ROBO2: variants seen among roughly 807,000 people sequenced by gnomAD.
ROBO2 encodes roundabout guidance receptor 2.
A neutral mutation model predicts 160.8 loss-of-function variants in ROBO2; 53 were observed. That is an observed-to-expected ratio of 0.33 (90% confidence interval 0.26 to 0.41). The LOEUF (loss-of-function observed/expected upper bound fraction) is 0.41. Among genes scored for constraint, ROBO2 ranks in the 10% least tolerant of loss-of-function variants. ROBO2 has a pLI of 1.00. For synonymous variants in ROBO2, 664 were observed against 611.7 expected, an observed-to-expected ratio of 1.09 and a Z score of -1.26; for missense variants, 1,577 against 1,722.4, an observed-to-expected ratio of 0.92 and a Z score of 1.49.
chr3:77,447,288 C>G (rs7633877), intron 2 of ROBO2, among the ~76,000 whole-genome samples: 23,619 of 151,976 alleles, frequency 0.16, 2,197 homozygotes, highest in East Asian at 0.4. Context: ...ATACAACTTA[C>G]TATAGTAAGA....
At position 77,531,678 on chromosome 3, in the gene ROBO2, T is replaced by G. The variant is rs147504966; in HGVS notation, c.934+8776T>G. 5.5e-3 allele frequency among the ~76,000 whole-genome samples: 836 copies of G among 152,236 alleles called. 7 individuals carry two copies. Among genetic ancestry groups the G allele is most frequent in the African/African-American group, 0.019 (781 of 41,578 alleles). The stretch of plus-strand genomic sequence containing the variant: ...GAAATTTGGAAAATATAATGTGCTG[T>G]ACATAATTGGATATTGGAAAATCAC... On this transcript the variant is annotated intron_variant, in intron 6 of 25. Coordinates refer to ENST00000461745, the Ensembl canonical transcript of ROBO2.
chr3:76,214,330 C>T lies in ROBO2; in HGVS notation c.109+276728C>T, dbSNP rs186078805. On this transcript the variant is annotated intron_variant, in intron 2 of 26. Coordinates refer to the ROBO2 transcript ENST00000487694. ...TTAAAACTCGGTCCCTCAGTGGGTGCAGTACACCGAGCATGAGCCAAAGCA... is the reference window on the plus strand; with the variant it reads ...TTAAAACTCGGTCCCTCAGTGGGTGTAGTACACCGAGCATGAGCCAAAGCA... Among the ~76,000 whole-genome samples, 4 of 152,288 alleles carry T rather than the reference C, an allele frequency of 2.6e-5. No individual in the cohort carries two copies. The East Asian group carries it at 7.7e-4, about 29-fold the overall frequency.
chr3:76,098,272 T>C (rs1407830603), intron 2 of ROBO2, among the ~76,000 whole-genome samples: 1 of 152,194 alleles, frequency 6.6e-6, no homozygotes, highest in Non-Finnish European at 1.5e-5. Flanking sequence ...TCTTAAGAAA[T>C]AGAATGTGCA....
intron 2 of ROBO2, among the ~76,000 whole-genome samples, chr3:77,310,737 T>A (rs1273626018): frequency 2.6e-5 from 4 of 151,950 alleles, no homozygotes; most frequent in Non-Finnish European, 1.5e-5. Flanking sequence ...AGATGAAACA[T>A]AATTTAGAAC....
chr3:76,359,822 C>G (rs770200682), intron 2 of ROBO2, among the ~76,000 whole-genome samples: 87 of 151,806 alleles, frequency 5.7e-4, no homozygotes, highest in Non-Finnish European at 4.4e-4. Context: ...AGTGATTGTA[C>G]TCTTTAAAGA....
chr3:77,565,773 T>A (rs1409471682), intron 12 of ROBO2, among the ~76,000 whole-genome samples: 2 of 152,098 alleles, frequency 1.3e-5, no homozygotes, highest in Admixed American at 1.3e-4. Flanking sequence ...TCTAAAGAAC[T>A]CAATTCTTTC....
At chr3:76,828,896 C>T (rs559654790) in intron 2 of ROBO2, among the ~76,000 whole-genome samples, 82 of 152,102 alleles carry the variant, frequency 5.4e-4, no homozygotes, top group African/African-American at 1.9e-3. Context: ...AGATCTTTCC[C>T]TTTGAGAGCT....
chr3:77,304,032 C>T (rs1228347966), intron 2 of ROBO2, among the ~76,000 whole-genome samples: 1 of 152,116 alleles, frequency 6.6e-6, no homozygotes, highest in African/African-American at 2.4e-5. Flanking sequence ...ACTAACACAT[C>T]TCCTAGGTGT....
intron 2 of ROBO2, among the ~76,000 whole-genome samples, chr3:76,441,627 G>A (rs2076929778): frequency 6.6e-6 from 1 of 152,148 alleles, no homozygotes; most frequent in Non-Finnish European, 1.5e-5. Context: ...CATTCCATCA[G>A]CAGTTGAATA....
intron 23 of ROBO2, among the ~76,000 whole-genome samples, chr3:77,626,082 T>C (rs1350327625): frequency 6.6e-6 from 1 of 152,136 alleles, no homozygotes; most frequent in Non-Finnish European, 1.5e-5. Flanking sequence ...CACACAACTT[T>C]CTTCTAATCT....
At chr3:76,981,403 G>A (rs2060090301) in intron 2 of ROBO2, among the ~76,000 whole-genome samples, 1 of 152,066 alleles carries the variant, frequency 6.6e-6, no homozygotes, top group Non-Finnish European at 1.5e-5. Flanking sequence ...ATCTCATTGT[G>A]AATTTGAATT....
At chr3:76,727,216 TAA>T (rs1468922366) in intron 2 of ROBO2, among the ~76,000 whole-genome samples, 2 of 152,156 alleles carry the variant, frequency 1.3e-5, no homozygotes, top group Non-Finnish European at 2.9e-5. Flanking sequence ...ACTCTAAGAA[TAA>T]AGTTATTGAA....
intron 13 of ROBO2, among the ~76,000 whole-genome samples, chr3:77,572,148 C>T (rs540471741): frequency 1.4e-4 from 20 of 145,428 alleles, no homozygotes; most frequent in Non-Finnish European, 2.8e-4. Context: ...GCTTAATGTT[C>T]TTCTTAAAAA....
chr3:77,588,126 A>C (rs1412718499), intron 16 of ROBO2, among the ~76,000 whole-genome samples: 1 of 152,072 alleles, frequency 6.6e-6, no homozygotes, highest in Admixed American at 6.6e-5. Flanking sequence ...CAGATACTTT[A>C]AGGGAATATA....
chr3:76,378,254 A>G (rs2076445964), intron 2 of ROBO2, among the ~76,000 whole-genome samples: 1 of 152,216 alleles, frequency 6.6e-6, no homozygotes, highest in South Asian at 2.1e-4. Context: ...ATTGACCTCA[A>G]CAATGGAGAC....
chr3:76,749,868 G>C (rs7426465), intron 2 of ROBO2, among the ~76,000 whole-genome samples: 1 of 151,948 alleles, frequency 6.6e-6, no homozygotes, highest in African/African-American at 2.4e-5. Flanking sequence ...TACCAGAGGT[G>C]CAAAGAGGAG....
At chr3:77,150,818 A>T (rs2077491654) in intron 2 of ROBO2, among the ~76,000 whole-genome samples, 1 of 152,176 alleles carries the variant, frequency 6.6e-6, no homozygotes, top group African/African-American at 2.4e-5. Context: ...AAAGCAAAGC[A>T]AATAAAACAA....
chr3:77,422,562 A>C (rs1052058260), intron 2 of ROBO2, among the ~76,000 whole-genome samples: 1 of 152,178 alleles, frequency 6.6e-6, no homozygotes, highest in African/African-American at 2.4e-5. Context: ...GCTCAATGAT[A>C]TCGAACCACA....
At chr3:76,334,146 A>AT (rs2073701119) in intron 2 of ROBO2, among the ~76,000 whole-genome samples, 1 of 152,156 alleles carries the variant, frequency 6.6e-6, no homozygotes, top group African/African-American at 2.4e-5. Context: ...TATAATAAAA[A>AT]AATATATATA....
Sources: gnomAD v4.1 joint callset for allele counts (sites outside exome capture counted in the v4.1 genomes callset) on GRCh38, gnomAD v4.1.1 for gene constraint, MANE v1.5 for transcripts, NCBI Gene and HGNC (gene_info 2026-07-23, HGNC 2026-07-21) for gene names.